The following IRS1 variants were observed in gnomAD, a reference collection of about 807,000 sequenced individuals.
IRS1 encodes insulin receptor substrate 1.
A neutral mutation model predicts 65.6 loss-of-function variants in IRS1; 34 were observed. The ratio of observed to expected loss-of-function variants is 0.52; its 90% CI spans 0.39 to 0.69. The LOEUF (loss-of-function observed/expected upper bound fraction) is 0.69. Ranked by LOEUF, IRS1 falls within the 30% of genes least tolerant of loss-of-function variation. The pLI is 0.00. For missense variants in IRS1, 1,641 were observed against 1,720.2 expected (o/e 0.95, Z 0.81); for synonymous variants, 699 against 683.5 (o/e 1.02, Z -0.35).
chr2:226,768,976 G>C (rs1017987576), intron 1 of IRS1, among the ~76,000 whole-genome samples: 1 of 152,194 alleles, frequency 6.6e-6, no homozygotes, highest in African/African-American at 2.4e-5. Context: ...AGGCAAGACA[G>C]ATGGTGCCTT....
At chr2:226,781,749 T>C (rs532978651) in intron 1 of IRS1, among the ~76,000 whole-genome samples, 3 of 152,226 alleles carry the variant, frequency 2.0e-5, no homozygotes, top group South Asian at 4.2e-4. Context: ...CTGTAGGGAC[T>C]TGTGAGGGAC....
At position 226,798,368 on chromosome 2, in the gene IRS1, G is replaced by C. The variant is rs1158727052; in HGVS notation, c.371C>G (p.Ala124Gly). ...ACCACCTCCCGCCCCGAGGGCCGCAGCTCCGTCGTGGTGGCCCTTAGCACG... is the reference window on the plus strand; with the variant it reads ...ACCACCTCCCGCCCCGAGGGCCGCACCTCCGTCGTGGTGGCCCTTAGCACG... The part of the protein sequence containing the change: ...HNRAKGHHDG[A>G]AALGAGGGGG... Residue 124 changes from alanine (A) to glycine (G), a missense_variant, in exon 1 of 2, where the codon GCT becomes GGT. By Grantham distance (60) the Ala-to-Gly change is moderately conservative. This residue lies in a region of IRS1 where 240 missense variants were observed against 229.6 expected (regional missense o/e 1.05). Transcript: ENST00000305123. This position sits in a 1 kb window ranked among gnomAD's most constrained non-coding sequence, Gnocchi z 9.4. The C allele has an allele frequency of 6.2e-7, 1 of 1,613,652 alleles. No individual in the cohort carries two copies. Among genetic ancestry groups the C allele is most frequent in the African/African-American group, 1.3e-5 (1 of 74,930 alleles).
intron 1 of IRS1, among the ~76,000 whole-genome samples, chr2:226,764,799 T>C (rs1199199351): frequency 1.3e-5 from 2 of 152,236 alleles, no homozygotes; most frequent in Non-Finnish European, 2.9e-5. Flanking sequence ...CTCATCTATA[T>C]GCGAGCAGAT....
At chr2:226,782,846 CAAA>C (rs2106177511) in intron 1 of IRS1, among the ~76,000 whole-genome samples, 1 of 152,222 alleles carries the variant, frequency 6.6e-6, no homozygotes, top group South Asian at 2.1e-4. Flanking sequence ...ACTAAAAATA[CAAA>C]AATTAGCCTG....
chr2:226,759,718 A>G (rs575633120), intron 1 of IRS1, among the ~76,000 whole-genome samples: 4 of 152,284 alleles, frequency 2.6e-5, no homozygotes, highest in African/African-American at 7.2e-5. Context: ...CTTTTTTGAT[A>G]TAACTTAAAA....
chr2:226,740,706 T>C (rs563002782), intron 1 of IRS1, among the ~76,000 whole-genome samples: 144 of 152,312 alleles, frequency 9.5e-4, no homozygotes, highest in Admixed American at 9.8e-4. Flanking sequence ...GTAATAAAAA[T>C]CTAGTTGGGG....
At position 226,732,994 on chromosome 2, in the gene IRS1, G is replaced by C. The variant is rs967650263; in HGVS notation, c.*3278C>G. On this transcript the variant is annotated 3_prime_UTR_variant, in exon 2 of 2. Transcript: ENST00000305123. ...ACCAAATATGGGGTCATTGTCACCA[G>C]CAGTTGGAAGACTGCACATGGATAC... 1.3e-5 allele frequency: 2 copies of C among 152,194 alleles called. No homozygotes were observed. The highest frequency in any genetic ancestry group is 4.8e-5 in the African/African-American group (2 of 41,438). The allele number at this position is 152,194 out of a possible 1,614,324, so 9.4% of individuals were successfully genotyped here.
At chr2:226,751,477 G>C (rs982796257) in intron 1 of IRS1, among the ~76,000 whole-genome samples, 2 of 151,948 alleles carry the variant, frequency 1.3e-5, no homozygotes, top group Admixed American at 1.3e-4. Context: ...TAGAGACGGG[G>C]TTTCACCGTG....
At chr2:226,751,841 G>A (rs1938691191) in intron 1 of IRS1, among the ~76,000 whole-genome samples, 2 of 151,992 alleles carry the variant, frequency 1.3e-5, no homozygotes, top group South Asian at 2.1e-4. Flanking sequence ...GAAATACATC[G>A]CCCTGCCCTA....
Position 226,797,860 on chromosome 2 carries a change from CG to C in IRS1, c.878del (p.Pro293ArgfsTer7). The C allele has an allele frequency of 6.2e-7, 1 of 1,601,362 alleles. No individual in the cohort carries two copies. ...GGCGGGTCAGCCCCACCTGGCTGGGCGGGGGATTGTTGAGATGGTGCCGGCG... is the reference window on the plus strand; with the variant it reads ...GGCGGGTCAGCCCCACCTGGCTGGGCGGGGATTGTTGAGATGGTGCCGGCG... Reference protein sequence around the residue: ...PLRRHHLNNPPPSQVGLTRRS... With the variant: ...PLRRHHLNNPXPSQVGLTRRS... On this transcript the variant is annotated frameshift_variant, in exon 1 of 2. Coordinates refer to ENST00000305123, the MANE Select transcript of IRS1 (RefSeq NM_005544.3). LOFTEE classifies it high-confidence loss of function. This position sits in a 1 kb window ranked among gnomAD's most constrained non-coding sequence, Gnocchi z 8.1.
intron 1 of IRS1, among the ~76,000 whole-genome samples, chr2:226,762,206 A>C (rs1938928985): frequency 6.6e-6 from 1 of 152,176 alleles, no homozygotes; most frequent in Non-Finnish European, 1.5e-5. Flanking sequence ...ATGCTCTATC[A>C]CTATTCAGGG....
At position 226,732,023 on chromosome 2, in the gene IRS1, A is replaced by G. The variant is rs2288588; in HGVS notation, c.*4249T>C. ...GTATACGTCACAAATGGCAAGTCAT[A>G]CACAAACTAGAAAAGAAAGCTAACT... On this transcript the variant is annotated 3_prime_UTR_variant, in exon 2 of 2. Transcript: ENST00000305123. The G allele has an allele frequency of 1.3e-5, 2 of 152,156 alleles. No individual in the cohort carries two copies. Among genetic ancestry groups the G allele is most frequent in the East Asian group, 3.9e-4 (2 of 5,176 alleles). 9.4% of individuals were successfully genotyped at this position (152,156 alleles called of 1,614,324 possible).
intron 1 of IRS1, among the ~76,000 whole-genome samples, chr2:226,756,268 T>C (rs570506589): frequency 5.9e-5 from 9 of 152,328 alleles, no homozygotes; most frequent in Middle Eastern, 3.4e-3. Flanking sequence ...GTTCTGTTGC[T>C]AAAATCTGGT....
rs772786636 is a variant in IRS1 at position 226,797,854 on chromosome 2, G to A, written c.885C>T (p.Ser295=). ...GTGATCGGCGGGTCAGCCCCACCTGGCTGGGCGGGGGATTGTTGAGATGGT... is the reference window on the plus strand; with the variant it reads ...GTGATCGGCGGGTCAGCCCCACCTGACTGGGCGGGGGATTGTTGAGATGGT... ...RRHHLNNPPP[S]QVGLTRRSRT... The change falls in exon 1 of 2, where the codon AGC becomes AGT. Residue 295 remains serine (S), a synonymous_variant. Coordinates refer to ENST00000305123, the MANE Select transcript of IRS1 (RefSeq NM_005544.3). The surrounding 1 kb of genome is among the most constrained non-coding windows in gnomAD (Gnocchi z 8.1). 3.1e-6 allele frequency: 5 copies of A among 1,600,480 alleles called. No homozygotes were observed. In the East Asian group the frequency reaches 8.9e-5, roughly 29 times the overall value.
intron 1 of IRS1, among the ~76,000 whole-genome samples, chr2:226,782,625 AAG>A (rs1465684463): frequency 6.6e-6 from 1 of 152,154 alleles, no homozygotes; most frequent in Non-Finnish European, 1.5e-5. Context: ...AGACAGTGGG[AAG>A]ATATCCCCTG....
At chr2:226,763,460 G>A (rs1430590359) in intron 1 of IRS1, among the ~76,000 whole-genome samples, 2 of 152,148 alleles carry the variant, frequency 1.3e-5, no homozygotes, top group Admixed American at 1.3e-4. Context: ...TCAGATCCTG[G>A]TGGTTACCCC....
Position 226,795,139 on chromosome 2 carries a change from C to A in IRS1, c.3600G>T (p.Gln1200His), listed in dbSNP as rs1939684932. 6.2e-7 allele frequency: 1 copy of A among 1,612,588 alleles called. No individual in the cohort carries two copies. Among genetic ancestry groups the A allele is most frequent in the Non-Finnish European group, 8.5e-7 (1 of 1,179,756 alleles). ...QCPQECTPEP[Q>H]PPPPPPPHQP... ...GATGAGGGGGTGGGGGTGGGGGAGG[C>A]TGCGGTTCAGGGGTGCACTCCTGAG... The change falls in exon 1 of 2, where the codon CAG becomes CAT. Residue 1200 changes from glutamine to histidine, a missense_variant. Coordinates refer to ENST00000305123, the MANE Select transcript of IRS1 (RefSeq NM_005544.3).
rs1472621296 is a variant in IRS1 at position 226,796,528 on chromosome 2, T to C, written c.2211A>G (p.Pro737=). The part of the protein sequence containing the change: ...PCTGDYMNMS[P]VGDSNTSSPS... ...GGCTGCTGGTGTTGGAGTCCCCCACTGGTGACATGTTCATGTAGTCACCTG... is the reference window on the plus strand; with the variant it reads ...GGCTGCTGGTGTTGGAGTCCCCCACCGGTGACATGTTCATGTAGTCACCTG... Residue 737 remains proline (P), a synonymous_variant, in exon 1 of 2, where the codon CCA becomes CCG. Transcript: ENST00000305123. 1 of 1,613,938 alleles carries C rather than the reference T, an allele frequency of 6.2e-7. No individual in the cohort carries two copies. The highest frequency in any genetic ancestry group is 8.5e-7 in the Non-Finnish European group (1 of 1,180,012).
At chr2:226,756,372 G>C (rs1448990827) in intron 1 of IRS1, among the ~76,000 whole-genome samples, 1 of 152,040 alleles carries the variant, frequency 6.6e-6, no homozygotes, top group Non-Finnish European at 1.5e-5. Flanking sequence ...AAATCTCCAA[G>C]GATTATAGGT....
Sources: gnomAD v4.1 joint callset for allele counts (sites outside exome capture counted in the v4.1 genomes callset) on GRCh38, gnomAD v4.1.1 for gene constraint, gnomAD v4.1.1 regional missense constraint, Gnocchi (gnomAD v3.1) non-coding constraint, MANE v1.5 for transcripts, NCBI Gene and HGNC (gene_info 2026-07-23, HGNC 2026-07-21) for gene names.